Variants in MTMR8 observed in about 807,000 individuals in gnomAD.
MTMR8 encodes myotubularin related protein 8.
In MTMR8, 65 loss-of-function variants were observed where a neutral mutation model predicts 39.3. The observed-to-expected ratio is 1.65, with a 90% CI of 1.35 to 2.03. The LOEUF is 2.03. MTMR8 is among the 30% of genes most tolerant of loss of function. The probability of loss-of-function intolerance (pLI) is 0.00; values close to 1 mark genes in which losing one functional copy is unlikely to be tolerated. For synonymous variants in MTMR8, 245 were observed against 185.2 expected, an observed-to-expected ratio of 1.32 and a Z score of -2.62; for missense variants, 777 against 538.9, an observed-to-expected ratio of 1.44 and a Z score of -4.37.
chrX:64,385,119 AATC>A (rs1924524850), intron 1 of MTMR8, among the ~76,000 whole-genome samples: 1 of 112,038 alleles, frequency 8.9e-6, no homozygotes, highest in Non-Finnish European at 1.9e-5. Context: ...AGATACACTA[AATC>A]ATCATTCTCA....
intron 12 of MTMR8, among the ~76,000 whole-genome samples, chrX:64,297,256 T>G (rs1169425901): frequency 3.6e-4 from 38 of 105,340 alleles, no homozygotes; most frequent in Non-Finnish European, 4.5e-4. Flanking sequence ...TTTCCTGACT[T>G]TTTAATGATT....
intron 1 of MTMR8, among the ~76,000 whole-genome samples, chrX:64,383,899 T>C (rs1311152262): frequency 1.8e-5 from 2 of 111,448 alleles, no homozygotes; most frequent in Admixed American, 1.9e-4. Flanking sequence ...GCCTTCCCAA[T>C]CATCCCCAGA....
chrX:64,322,854 A>G (rs1223528433), intron 12 of MTMR8, among the ~76,000 whole-genome samples: 1 of 112,557 alleles, frequency 8.9e-6, no homozygotes, highest in Non-Finnish European at 1.9e-5. Flanking sequence ...AGCCTCTCAG[A>G]GCCTAAGTCC....
chrX:64,297,263 G>A (rs1240502886), intron 12 of MTMR8, among the ~76,000 whole-genome samples: 1 of 106,091 alleles, frequency 9.4e-6, no homozygotes, highest in Non-Finnish European at 1.9e-5. Flanking sequence ...ACTTTTTAAT[G>A]ATTGCCATTC....
intron 12 of MTMR8, among the ~76,000 whole-genome samples, chrX:64,322,656 C>A (rs1358730073): frequency 8.9e-6 from 1 of 112,338 alleles, no homozygotes; most frequent in East Asian, 2.8e-4. Flanking sequence ...CCACAGCTAG[C>A]ATGTATCCTG....
chrX:64,300,716 G>T (rs1187601034), intron 12 of MTMR8, among the ~76,000 whole-genome samples: 1 of 104,115 alleles, frequency 9.6e-6, no homozygotes, highest in Admixed American at 1.0e-4. Context: ...AGCTGGTACC[G>T]GTTGTTCCTT....
chrX:64,282,860 C>G (rs1336985796), intron 12 of MTMR8, among the ~76,000 whole-genome samples: 1 of 111,106 alleles, frequency 9.0e-6, no homozygotes, highest in Non-Finnish European at 1.9e-5. Flanking sequence ...TCCAAGATGG[C>G]CAAATAGGAA....
At position 64,271,709 on chromosome X, in the gene MTMR8, C is replaced by T. The variant is rs185928880; in HGVS notation, c.1482-636G>A. ...AACATCCCAACTTCTCCAGGTGCCA[C>T]CTGAAAGACTGGCTTCTGTCTCACC... On this transcript the variant is annotated intron_variant, in intron 12 of 13. Transcript: ENST00000374852. Among the ~76,000 whole-genome samples the T allele has an allele frequency of 1.0e-3, 117 of 112,456 alleles. No homozygotes were observed. The Middle Eastern group carries it at 0.028, about 27-fold the overall frequency.
intron 8 of MTMR8, among the ~76,000 whole-genome samples, chrX:64,339,307 G>C (rs894815336): frequency 2.7e-5 from 3 of 111,411 alleles, no homozygotes; most frequent in Non-Finnish European, 5.6e-5. Flanking sequence ...AGCCAGGAGG[G>C]AATAGTTGGA....
chrX:64,355,024 C>T (rs769557565), intron 3 of MTMR8, 90 bp from the exon 4 acceptor site: 39 of 831,672 alleles, frequency 4.7e-5, no homozygotes, highest in Non-Finnish European at 6.4e-5. Context: ...ATTTCCTTTT[C>T]CTAAGGGAAT....
At chrX:64,277,608 T>C (rs937736219) in intron 12 of MTMR8, among the ~76,000 whole-genome samples, 1 of 112,308 alleles carries the variant, frequency 8.9e-6, no homozygotes, top group African/African-American at 3.2e-5. Context: ...CAGAGAGATC[T>C]GCTGTTAGTC....
At chrX:64,310,791 G>A (rs755214602) in intron 12 of MTMR8, among the ~76,000 whole-genome samples, 2 of 111,042 alleles carry the variant, frequency 1.8e-5, no homozygotes, top group South Asian at 7.8e-4. Context: ...GAGAACGACG[G>A]TTTCCAGCTT....
chrX:64,287,205 C>T (rs751632336), intron 12 of MTMR8, among the ~76,000 whole-genome samples: 1 of 111,256 alleles, frequency 9.0e-6, no homozygotes, highest in East Asian at 2.8e-4. Context: ...GAGTGAACTC[C>T]CATTCACAAT....
intron 12 of MTMR8, among the ~76,000 whole-genome samples, chrX:64,303,386 G>A (rs1921969316): frequency 8.9e-6 from 1 of 112,004 alleles, no homozygotes. Context: ...CTGATGACAA[G>A]ACACACTGCA....
chrX:64,383,721 C>T lies in MTMR8; in HGVS notation c.24+11619G>A, dbSNP rs1405459091. On this transcript the variant is annotated intron_variant, in intron 1 of 13. Coordinates refer to ENST00000374852, the MANE Select transcript of MTMR8 (RefSeq NM_017677.4). ...GCACTAGAAGGATGGTACTAAACCA[C>T]TCATGAGAGATGCACCCCCATCATC... Among the ~76,000 whole-genome samples the T allele has an allele frequency of 5.4e-5, 6 of 110,835 alleles. No homozygotes were observed. In the East Asian group the frequency reaches 1.7e-3, roughly 32 times the overall value.
In MTMR8 at chrX:64,328,670, T is replaced by C. The variant is rs952155998; in HGVS notation, c.1481+102A>G. On this transcript the variant is annotated intron_variant, in intron 12 of 13. Transcript: ENST00000374852. ...TATGAGGACAGAGTATCCTACTCCATAGCCAGGCTTGTACAGATGGTGGCA... is the reference window on the plus strand; with the variant it reads ...TATGAGGACAGAGTATCCTACTCCACAGCCAGGCTTGTACAGATGGTGGCA... 9 of 815,067 alleles carry C rather than the reference T, an allele frequency of 1.1e-5. No homozygotes were observed. The African/African-American group carries it at 1.5e-4, about 14-fold the overall frequency. 67.2% of individuals were successfully genotyped at this position (815,067 alleles called of 1,213,427 possible). A position where few individuals can be genotyped will look rare whatever the true frequency, so the allele number is the denominator to read the frequency against.
intron 4 of MTMR8, among the ~76,000 whole-genome samples, chrX:64,353,988 A>C (rs780877049): frequency 4.5e-5 from 5 of 111,100 alleles, no homozygotes; most frequent in Non-Finnish European, 7.5e-5. Flanking sequence ...AGTCACAAAA[A>C]AATGTAATCC....
chrX:64,284,879 C>T (rs1009469522), intron 12 of MTMR8, among the ~76,000 whole-genome samples: 4 of 111,928 alleles, frequency 3.6e-5, no homozygotes, highest in East Asian at 2.8e-4. Context: ...CAGGCTAAAT[C>T]GTAAAGACCA....
rs1294587500 is a variant in MTMR8 at position 64,337,315 on chromosome X, C to T, written c.1054G>A (p.Ala352Thr). 2 of 1,210,015 alleles carry T rather than the reference C, an allele frequency of 1.7e-6. No homozygotes were observed. Among genetic ancestry groups the T allele is most frequent in the South Asian group, 1.8e-5 (1 of 56,801 alleles). ...TAAAATGGATCTAGGAGGATGCTAG[C>T]CACTGAGCAGACTTGTGCTGTGCGG... The part of the protein sequence containing the change: ...WDRTAQVCSV[A>T]SILLDPFYRT... Residue 352 changes from alanine to threonine, a missense_variant, in exon 9 of 14, where the codon GCT (alanine) becomes ACT (threonine). Coordinates refer to ENST00000374852, the MANE Select transcript of MTMR8 (RefSeq NM_017677.4).
Sources: gnomAD v4.1 joint callset for allele counts (sites outside exome capture counted in the v4.1 genomes callset) on GRCh38, gnomAD v4.1.1 for gene constraint, MANE v1.5 for transcripts, NCBI Gene and HGNC (gene_info 2026-07-23, HGNC 2026-07-21) for gene names.